NCKAP5: variants seen among roughly 807,000 people sequenced by gnomAD.
NCKAP5 encodes NCK associated protein 5.
In NCKAP5, 92 loss-of-function variants were observed where a neutral mutation model predicts 167.0. The ratio of observed to expected loss-of-function variants is 0.55; its 90% CI spans 0.47 to 0.66. NCKAP5 has a LOEUF of 0.66. NCKAP5 is among the 30% of genes least tolerant of loss of function. The pLI is 0.00. For synonymous variants in NCKAP5, 891 were observed against 877.4 expected, an observed-to-expected ratio of 1.02 and a Z score of -0.27; for missense variants, 2,378 against 2,315.0, an observed-to-expected ratio of 1.03 and a Z score of -0.56.
intron 3 of NCKAP5, among the ~76,000 whole-genome samples, chr2:133,380,341 C>T (rs1686431722): frequency 6.6e-6 from 1 of 151,804 alleles, no homozygotes; most frequent in Non-Finnish European, 1.5e-5. Context: ...TTTAGTAAAA[C>T]AAAACAATTA....
chr2:133,180,836 C>T (rs1294555539), intron 5 of NCKAP5, among the ~76,000 whole-genome samples: 3 of 151,808 alleles, frequency 2.0e-5, no homozygotes, highest in East Asian at 1.9e-4. Context: ...GAGGCTATAT[C>T]GAACTGAAAA....
intron 8 of NCKAP5, among the ~76,000 whole-genome samples, chr2:132,960,421 G>A (rs574034619): frequency 3.3e-5 from 5 of 152,240 alleles, no homozygotes; most frequent in African/African-American, 9.6e-5. Context: ...ACTGCGAAAC[G>A]CCCTGCAACC....
At chr2:132,769,453 T>C (rs1250667109) in intron 16 of NCKAP5, among the ~76,000 whole-genome samples, 1 of 152,214 alleles carries the variant, frequency 6.6e-6, no homozygotes, top group Non-Finnish European at 1.5e-5. Flanking sequence ...GGTTATAAAA[T>C]ATTGCAAGAA....
chr2:132,830,112 T>C (rs143196059), intron 11 of NCKAP5, among the ~76,000 whole-genome samples: 238 of 152,278 alleles, frequency 1.6e-3, no homozygotes, highest in African/African-American at 5.6e-3. Flanking sequence ...CAGAGGAACA[T>C]TTCTAAAGTC....
rs1442433478 is a variant in NCKAP5, at chr2:132,783,354, G to A, written c.3457C>T (p.Leu1153Phe). 1.9e-6 allele frequency: 3 copies of A among 1,613,100 alleles called. No homozygotes were observed. Among genetic ancestry groups the A allele is most frequent in the East Asian group, 4.5e-5 (2 of 44,862 alleles). ...KTRLPVGLKV[L>F]MKSPQLLRKS... Reference sequence around the variant, plus strand: ...CTGAGCAGCTGGGGAGACTTCATGAGCACTTTGAGTCCCACTGGAAGGCGA... The same window carrying A: ...CTGAGCAGCTGGGGAGACTTCATGAACACTTTGAGTCCCACTGGAAGGCGA... The change falls in exon 14 of 20, where the codon CTC (leucine) becomes TTC (phenylalanine). Residue 1153 changes from leucine to phenylalanine, a missense_variant. This residue lies in a region of NCKAP5 where 1,325 missense variants were observed against 1,274.5 expected (regional missense o/e 1.04). Coordinates refer to ENST00000409261, the MANE Select transcript of NCKAP5 (RefSeq NM_207363.3).
chr2:133,421,344 A>G (rs1250429601), intron 3 of NCKAP5, among the ~76,000 whole-genome samples: 3 of 152,172 alleles, frequency 2.0e-5, no homozygotes, highest in Admixed American at 6.5e-5. Flanking sequence ...GTCTCTAATC[A>G]TTAACATCGA....
intron 11 of NCKAP5, among the ~76,000 whole-genome samples, chr2:132,848,752 G>A (rs1185431296): frequency 2.6e-5 from 4 of 152,168 alleles, no homozygotes; most frequent in Non-Finnish European, 5.9e-5. Flanking sequence ...GAGCCTAGGA[G>A]TTTGAGTCTG....
At chr2:132,806,975 G>A (rs566486175) in intron 11 of NCKAP5, among the ~76,000 whole-genome samples, 4 of 152,194 alleles carry the variant, frequency 2.6e-5, no homozygotes, top group South Asian at 2.1e-4. Context: ...TCCTACATGC[G>A]GCTAGCCAAT....
At chr2:133,448,402 T>TA (rs1691344406) in intron 3 of NCKAP5, among the ~76,000 whole-genome samples, 1 of 152,158 alleles carries the variant, frequency 6.6e-6, no homozygotes, top group Non-Finnish European at 1.5e-5. Flanking sequence ...CGTATTTAAC[T>TA]AATCTATCCT....
chr2:133,103,869 C>A (rs183916569), intron 6 of NCKAP5, among the ~76,000 whole-genome samples: 4 of 152,270 alleles, frequency 2.6e-5, no homozygotes, highest in African/African-American at 9.6e-5. Flanking sequence ...TCCGAGAGAA[C>A]TAGTGCTTTA....
rs191950194 is a variant in NCKAP5 at position 133,464,900 on chromosome 2, A to C, written c.69+52558T>G. Among the ~76,000 whole-genome samples, 321 of 151,908 alleles carry C rather than the reference A, an allele frequency of 2.1e-3. 7 individuals are homozygous for C. Among genetic ancestry groups the C allele is most frequent in the Admixed American group, 0.019 (292 of 15,250 alleles). ...CAACGTGGCATGGGGCTCTCGGTGA[A>C]GCTTGATGTTTCCATCTGTAACTTG... On this transcript the variant is annotated intron_variant, in intron 3 of 19. Coordinates refer to ENST00000409261, the MANE Select transcript of NCKAP5 (RefSeq NM_207363.3).
At chr2:133,577,022 G>C in the NCKAP5 span, among the ~76,000 whole-genome samples, 1 of 152,158 alleles carries the variant, frequency 6.6e-6, no homozygotes, top group Non-Finnish European at 1.5e-5. Context: ...CTGGTATTTG[G>C]ACTTGGGCTG....
At chr2:133,646,136 T>C in the NCKAP5 span, among the ~76,000 whole-genome samples, 1 of 152,024 alleles carries the variant, frequency 6.6e-6, no homozygotes, top group African/African-American at 2.4e-5. Flanking sequence ...AACAAATCTT[T>C]TTATTCAAAA....
At chr2:133,644,642 T>C in the NCKAP5 span, among the ~76,000 whole-genome samples, 1 of 152,230 alleles carries the variant, frequency 6.6e-6, no homozygotes, top group Non-Finnish European at 1.5e-5. Flanking sequence ...TGCCAGGTAA[T>C]ATCCTTTATA....
intron 19 of NCKAP5, among the ~76,000 whole-genome samples, chr2:132,692,398 C>G (rs1485879945): frequency 6.6e-6 from 1 of 152,008 alleles, no homozygotes; most frequent in Admixed American, 6.6e-5. Flanking sequence ...GGTGATCCTC[C>G]CACCTCGCCC....
intron 9 of NCKAP5, among the ~76,000 whole-genome samples, chr2:132,872,987 G>A (rs945710537): frequency 4.6e-5 from 7 of 152,172 alleles, no homozygotes; most frequent in African/African-American, 7.2e-5. Flanking sequence ...CATAATCAGC[G>A]AAACCACCTA....
chr2:133,374,582 G>A (rs1430698326), intron 3 of NCKAP5, among the ~76,000 whole-genome samples: 2 of 150,608 alleles, frequency 1.3e-5, no homozygotes, highest in Non-Finnish European at 3.0e-5. Context: ...GGCAGTGGGT[G>A]GGGGATGTTG....
At chr2:133,623,728 CAG>C in the NCKAP5 span, among the ~76,000 whole-genome samples, 4 of 151,756 alleles carry the variant, frequency 2.6e-5, no homozygotes, top group African/African-American at 9.7e-5. Flanking sequence ...CTCTGGAAAA[CAG>C]TGTGGAGATT....
chr2:132,854,850 T>G (rs917398198), intron 11 of NCKAP5, among the ~76,000 whole-genome samples: 1 of 152,164 alleles, frequency 6.6e-6, no homozygotes, highest in Admixed American at 6.5e-5. Flanking sequence ...AGTAGCATTT[T>G]GAACAGAAAA....
Sources: allele counts gnomAD v4.1 joint callset (sites outside exome capture counted in the v4.1 genomes callset), GRCh38; gene constraint gnomAD v4.1.1; regional missense constraint gnomAD v4.1.1; transcripts MANE v1.5; gene names NCBI Gene and HGNC (gene_info 2026-07-23, HGNC 2026-07-21).